The following BMP5 variants were observed in gnomAD, a reference collection of about 807,000 sequenced individuals.
The protein encoded by BMP5 is bone morphogenetic protein 5.
BMP5 carries 23 observed loss-of-function variants against 46.6 expected under a neutral mutation model. The observed-to-expected ratio is 0.49, with a 90% CI of 0.35 to 0.70. The LOEUF (loss-of-function observed/expected upper bound fraction) is 0.70, where lower values mean the gene tolerates loss of function less well. Ranked by LOEUF, BMP5 falls within the 30% of genes least tolerant of loss-of-function variation. The pLI is 0.00. For missense variants in BMP5, 545 were observed against 565.6 expected (o/e 0.96, Z 0.37); for synonymous variants, 204 against 191.9 (o/e 1.06, Z -0.52).
At chr6:55,860,721 G>A (rs1168050006) in intron 1 of BMP5, among the ~76,000 whole-genome samples, 15 of 152,148 alleles carry the variant, frequency 9.9e-5, no homozygotes, top group Non-Finnish European at 1.8e-4. Context: ...TTAGCTAAAC[G>A]TCAGTATGTT....
At chr6:55,813,915 T>C (rs894591342) in intron 2 of BMP5, among the ~76,000 whole-genome samples, 2 of 152,234 alleles carry the variant, frequency 1.3e-5, no homozygotes, top group Non-Finnish European at 2.9e-5. Flanking sequence ...TAAACACTTT[T>C]ACATGAATCC....
intron 3 of BMP5, among the ~76,000 whole-genome samples, chr6:55,779,769 G>A (rs147396258): frequency 5.3e-5 from 8 of 151,972 alleles, no homozygotes; most frequent in Admixed American, 1.3e-4. Flanking sequence ...TTGTAAAAGC[G>A]CAGACCTGTT....
intron 2 of BMP5, among the ~76,000 whole-genome samples, chr6:55,812,860 T>G (rs2127535908): frequency 6.6e-6 from 1 of 152,340 alleles, no homozygotes; most frequent in East Asian, 1.9e-4. Context: ...AATTCCATTT[T>G]AACTGTGATC....
intron 6 of BMP5, among the ~76,000 whole-genome samples, chr6:55,758,024 A>G (rs1427736379): frequency 1.3e-5 from 2 of 151,910 alleles, no homozygotes; most frequent in Non-Finnish European, 2.9e-5. Context: ...GGAGAGTCGA[A>G]TCTTCACAAA....
intron 1 of BMP5, among the ~76,000 whole-genome samples, chr6:55,860,413 A>T (rs1777503497): frequency 6.6e-6 from 1 of 152,254 alleles, no homozygotes; most frequent in Admixed American, 6.5e-5. Context: ...ATGTTTTATC[A>T]TATGTCAATG....
intron 1 of BMP5, among the ~76,000 whole-genome samples, chr6:55,843,901 T>C (rs983480587): frequency 6.6e-6 from 1 of 152,028 alleles, no homozygotes; most frequent in African/African-American, 2.4e-5. Flanking sequence ...GACATTCTTG[T>C]TTTTTCAAAG....
intron 1 of BMP5, among the ~76,000 whole-genome samples, chr6:55,833,453 C>T (rs1321303485): frequency 3.3e-5 from 5 of 152,182 alleles, no homozygotes; most frequent in Non-Finnish European, 7.3e-5. Context: ...CTAAGTTGTG[C>T]TTTACATGTT....
chr6:55,832,731 G>C (rs1776695569), intron 1 of BMP5, among the ~76,000 whole-genome samples: 1 of 152,056 alleles, frequency 6.6e-6, no homozygotes, highest in Non-Finnish European at 1.5e-5. Flanking sequence ...ATTTCTTTTT[G>C]AGCTTTATCT....
intron 1 of BMP5, among the ~76,000 whole-genome samples, chr6:55,822,134 A>C (rs1339762408): frequency 6.6e-6 from 1 of 152,146 alleles, no homozygotes; most frequent in Non-Finnish European, 1.5e-5. Flanking sequence ...CTTACCAAAA[A>C]CTTTGAACCC....
At chr6:55,826,223 G>A (rs1776528060) in intron 1 of BMP5, among the ~76,000 whole-genome samples, 1 of 151,670 alleles carries the variant, frequency 6.6e-6, no homozygotes, top group African/African-American at 2.4e-5. Context: ...TATGTGACCT[G>A]AATGAAAGAA....
chr6:55,819,850 G>GA lies in BMP5; in HGVS notation c.491-4dup. On this transcript the variant is annotated splice_polypyrimidine_tract_variant and splice_region_variant and intron_variant, in intron 1 of 6. Transcript: ENST00000370830. ...AGAAAAATCCTTGTCTCTTTCAACT[G>GA]AAAAAATAAAGGGGGTTGAGGGGGA... The GA allele has an allele frequency of 6.2e-7, 1 of 1,612,294 alleles. No individual in the cohort carries two copies. Among genetic ancestry groups the GA allele is most frequent in the Non-Finnish European group, 8.5e-7 (1 of 1,178,880 alleles).
chr6:55,865,795 C>A (rs1777627997), intron 1 of BMP5, among the ~76,000 whole-genome samples: 2 of 152,086 alleles, frequency 1.3e-5, no homozygotes, highest in South Asian at 4.1e-4. Context: ...AAGTCTAGGA[C>A]CTTACATTAT....
intron 1 of BMP5, among the ~76,000 whole-genome samples, chr6:55,853,863 T>C (rs1777316339): frequency 6.6e-6 from 1 of 152,206 alleles, no homozygotes; most frequent in South Asian, 2.1e-4. Context: ...TCAAATCTAC[T>C]GTTTGCTTGC....
intron 4 of BMP5, among the ~76,000 whole-genome samples, chr6:55,769,280 C>T (rs1582049341): frequency 6.6e-6 from 1 of 151,892 alleles, no homozygotes; most frequent in East Asian, 1.9e-4. Flanking sequence ...TCAAATCCTG[C>T]CTCTACTCTA....
intron 4 of BMP5, 31 bp from the exon 5 acceptor site, chr6:55,760,564 G>A (rs781414886): frequency 6.3e-7 from 1 of 1,583,138 alleles, no homozygotes; most frequent in South Asian, 1.1e-5. Flanking sequence ...TTGAATAAAT[G>A]GTTGCTTACA....
At chr6:55,780,456 T>TAAAAAAAAAAAAAAAAAAA (rs369703099) in intron 3 of BMP5, among the ~76,000 whole-genome samples, 1 of 62,024 alleles carries the variant, frequency 1.6e-5, no homozygotes, top group Admixed American at 2.1e-4. Context: ...CCATCACTAC[T>TAAAAAAAAAAAAAAAAAAA]AAAAAAAAAA....
intron 1 of BMP5, among the ~76,000 whole-genome samples, chr6:55,820,572 C>G (rs1582092765): frequency 6.6e-6 from 1 of 152,110 alleles, no homozygotes; most frequent in East Asian, 1.9e-4. Context: ...CATGCACCAC[C>G]ACACCCAGCC....
Position 55,754,833 on chromosome 6 carries a change from C to G in BMP5, c.*700G>C, listed in dbSNP as rs1039263645. ...GTGTTAACTTGGAAAGCTATGGACA[C>G]AGGCTCAAGCCTGTCTCCTGAAGCT... On this transcript the variant is annotated 3_prime_UTR_variant, in exon 7 of 7. Transcript: ENST00000370830. The G allele has an allele frequency of 1.3e-5, 2 of 152,026 alleles. No individual in the cohort carries two copies. Among genetic ancestry groups the G allele is most frequent in the African/African-American group, 4.8e-5 (2 of 41,444 alleles). 9.4% of individuals were successfully genotyped at this position (152,026 alleles called of 1,614,324 possible).
chr6:55,765,933 C>T (rs1774906467), intron 4 of BMP5, among the ~76,000 whole-genome samples: 1 of 152,142 alleles, frequency 6.6e-6, no homozygotes, highest in South Asian at 2.1e-4. Flanking sequence ...CTAGACACCT[C>T]TAAAGGACAG....
Sources: allele counts gnomAD v4.1 joint callset (sites outside exome capture counted in the v4.1 genomes callset), GRCh38; gene constraint gnomAD v4.1.1; transcripts MANE v1.5; gene names NCBI Gene and HGNC (gene_info 2026-07-23, HGNC 2026-07-21).